Variants in DAB1 observed in about 807,000 individuals in gnomAD.
The protein encoded by DAB1 is disabled homolog 1.
Under a neutral mutation model 64.6 loss-of-function variants are expected in DAB1, and 15 were observed. The ratio of observed to expected loss-of-function variants is 0.23; its 90% CI spans 0.16 to 0.36. The LOEUF (loss-of-function observed/expected upper bound fraction) is 0.36. Among genes scored for constraint, DAB1 ranks in the 10% least tolerant of loss-of-function variants. The probability of loss-of-function intolerance (pLI) is 1.00; values close to 1 mark genes in which losing one functional copy is unlikely to be tolerated. For synonymous variants in DAB1, 235 were observed against 251.9 expected (o/e 0.93, Z 0.64); for missense variants, 596 against 706.7 (o/e 0.84, Z 1.78).
chr1:58,345,739 C>T (rs1643989008), intron 3 of DAB1, among the ~76,000 whole-genome samples: 1 of 152,056 alleles, frequency 6.6e-6, no homozygotes, highest in African/African-American at 2.4e-5. Context: ...CTAAGAGGAC[C>T]TCTGGCCTCT....
At chr1:57,243,707 C>T (rs1176917673) in intron 2 of DAB1, among the ~76,000 whole-genome samples, 9 of 152,130 alleles carry the variant, frequency 5.9e-5, no homozygotes, top group Admixed American at 5.9e-4. Context: ...ACTTGGGTCT[C>T]CAGAGAAATT....
intron 7 of DAB1, among the ~76,000 whole-genome samples, chr1:57,589,164 GA>G (rs1291421991): frequency 1.3e-5 from 2 of 152,070 alleles, no homozygotes; most frequent in Non-Finnish European, 2.9e-5. Context: ...AGGTTGCAGT[GA>G]GCCGAGATCA....
intron 7 of DAB1, among the ~76,000 whole-genome samples, chr1:57,444,430 T>A (rs1413166031): frequency 3.3e-5 from 5 of 152,220 alleles, no homozygotes; most frequent in Admixed American, 3.3e-4. Context: ...AAAAGAATGT[T>A]TTCATCTGCT....
intron 4 of DAB1, among the ~76,000 whole-genome samples, chr1:58,343,130 A>C (rs1213649): frequency 0.12 from 18,293 of 152,084 alleles, 1,244 homozygotes; most frequent in East Asian, 0.18. Flanking sequence ...ACAGGTCTGC[A>C]GGTCTATAAT....
chr1:57,509,290 C>T (rs1436420855), intron 7 of DAB1, among the ~76,000 whole-genome samples: 1 of 152,156 alleles, frequency 6.6e-6, no homozygotes, highest in African/African-American at 2.4e-5. Flanking sequence ...TAAAACAGCA[C>T]TGCCACCCCC....
intron 7 of DAB1, among the ~76,000 whole-genome samples, chr1:57,574,171 C>T (rs1247373177): frequency 2.0e-5 from 3 of 152,112 alleles, no homozygotes; most frequent in Middle Eastern, 3.2e-3. Flanking sequence ...AAGTAGAGGT[C>T]CCTGGGGAGA....
intron 2 of DAB1, among the ~76,000 whole-genome samples, chr1:57,206,332 C>T (rs1018754974): frequency 6.6e-6 from 1 of 152,200 alleles, no homozygotes; most frequent in Admixed American, 6.5e-5. Context: ...CCAGACAGGG[C>T]TGCACTTGGC....
intron 4 of DAB1, among the ~76,000 whole-genome samples, chr1:58,312,357 T>C (rs1161930806): frequency 6.6e-6 from 1 of 152,234 alleles, no homozygotes; most frequent in Non-Finnish European, 1.5e-5. Context: ...TAAATGTTTA[T>C]CAGGCTGCTC....
At chr1:58,530,154 T>C (rs942400383) in intron 1 of DAB1, among the ~76,000 whole-genome samples, 4 of 152,202 alleles carry the variant, frequency 2.6e-5, no homozygotes, top group African/African-American at 9.7e-5. Flanking sequence ...GTGCTGAGAT[T>C]ACAGGCATGA....
chr1:57,474,456 T>A (rs1171473762), intron 7 of DAB1, among the ~76,000 whole-genome samples: 1 of 152,192 alleles, frequency 6.6e-6, no homozygotes, highest in African/African-American at 2.4e-5. Flanking sequence ...CACAATGAGA[T>A]AATTTGGTGA....
At chr1:57,613,771 AAGCCTGCTGGAAGCTAGGGTG>A (rs1340192898) in intron 7 of DAB1, among the ~76,000 whole-genome samples, 3 of 152,208 alleles carry the variant, frequency 2.0e-5, no homozygotes, top group South Asian at 4.1e-4. Context: ...TGTGGGTCAG[AAGCCTGCTGGAAGCTAGGGTG>A]GTACAGCGAA....
At chr1:57,379,004 A>G (rs188677640) in intron 1 of DAB1, among the ~76,000 whole-genome samples, 1 of 152,196 alleles carries the variant, frequency 6.6e-6, no homozygotes, top group Admixed American at 6.5e-5. Context: ...TCTAGATGCT[A>G]CCTCTGTCTC....
intron 10 of DAB1, among the ~76,000 whole-genome samples, chr1:57,025,379 C>T (rs1646751550): frequency 6.6e-6 from 1 of 152,112 alleles, no homozygotes; most frequent in Non-Finnish European, 1.5e-5. Flanking sequence ...GGCTGGGAAT[C>T]CAGAGCTTCT....
intron 7 of DAB1, among the ~76,000 whole-genome samples, chr1:57,523,400 C>T (rs556624246): frequency 1.3e-5 from 2 of 152,188 alleles, no homozygotes; most frequent in Non-Finnish European, 1.5e-5. Context: ...CATCCCAACC[C>T]CACTTGCATA....
At position 57,947,039 on chromosome 1, in the gene DAB1, C is replaced by T. The variant is rs188876454; in HGVS notation, n.388-62877G>A. 2.8e-3 allele frequency among the ~76,000 whole-genome samples: 431 copies of T among 152,242 alleles called. 4 individuals are homozygous for T. The highest frequency in any genetic ancestry group is 9.7e-3 in the African/African-American group (404 of 41,546). ...TCATGGCAATGCTGATTACTGAGCA[C>T]CTTCCATGTGTCAAGTGCTATGGGT... On this transcript the variant is annotated intron_variant and non_coding_transcript_variant, in intron 5 of 20. Coordinates refer to the DAB1 transcript ENST00000485760.
chr1:57,182,356 A>C (rs1323729361), intron 2 of DAB1, among the ~76,000 whole-genome samples: 1 of 152,220 alleles, frequency 6.6e-6, no homozygotes, highest in African/African-American at 2.4e-5. Flanking sequence ...CATTGAAGGA[A>C]TTATAATGCT....
chr1:58,338,179 G>A (rs1049430132), intron 4 of DAB1, among the ~76,000 whole-genome samples: 3 of 152,110 alleles, frequency 2.0e-5, no homozygotes, highest in Non-Finnish European at 4.4e-5. Flanking sequence ...GAAAATAAAA[G>A]ACAAAAAGCT....
At chr1:57,523,140 A>G (rs964667852) in intron 7 of DAB1, among the ~76,000 whole-genome samples, 2 of 152,080 alleles carry the variant, frequency 1.3e-5, no homozygotes, top group African/African-American at 4.8e-5. Flanking sequence ...TATCTATTCT[A>G]TTAGTCCTGT....
At chr1:57,864,536 C>T (rs1654207119) in intron 1 of DAB1, 1 of 152,048 alleles carries the variant, frequency 6.6e-6, no homozygotes. Context: ...AGCTTATGCG[C>T]ATCCAGTGGG....
Sources: gnomAD v4.1 joint callset for allele counts (sites outside exome capture counted in the v4.1 genomes callset) on GRCh38, gnomAD v4.1.1 for gene constraint, MANE v1.5 for transcripts, NCBI Gene and HGNC (gene_info 2026-07-23, HGNC 2026-07-21) for gene names.